The following FAAH2 variants were observed in gnomAD, a reference collection of about 807,000 sequenced individuals.
FAAH2 encodes the protein fatty-acid amide hydrolase 2.
In FAAH2, 60 loss-of-function variants were observed where a neutral mutation model predicts 36.9. The ratio of observed to expected loss-of-function variants is 1.63; its 90% CI spans 1.32 to 2.02. The LOEUF (loss-of-function observed/expected upper bound fraction) is 2.02. Ranked by LOEUF, FAAH2 falls within the 30% of genes most tolerant of loss-of-function variation. The probability of loss-of-function intolerance (pLI) is 0.00; values close to 1 mark genes in which losing one functional copy is unlikely to be tolerated. For synonymous variants in FAAH2, 214 were observed against 143.8 expected, an observed-to-expected ratio of 1.49 and a Z score of -3.49; for missense variants, 689 against 397.5, an observed-to-expected ratio of 1.73 and a Z score of -6.23.
intron 1 of FAAH2, among the ~76,000 whole-genome samples, chrX:57,289,224 T>C (rs1374526983): frequency 2.7e-5 from 3 of 111,927 alleles, no homozygotes; most frequent in Non-Finnish European, 5.6e-5. Flanking sequence ...TACTCAATTT[T>C]TGTTGGCACT....
At chrX:57,363,779 T>C (rs1423196446) in intron 5 of FAAH2, among the ~76,000 whole-genome samples, 3 of 111,319 alleles carry the variant, frequency 2.7e-5, no homozygotes, top group African/African-American at 6.5e-5. Flanking sequence ...ATTGGAGGTA[T>C]GATGAATTTT....
the FAAH2 span, among the ~76,000 whole-genome samples, chrX:57,256,486 A>G: frequency 8.9e-6 from 1 of 111,766 alleles, no homozygotes; most frequent in South Asian, 3.7e-4. Flanking sequence ...CAAAAAGAAA[A>G]AAGTTGAAGG....
At chrX:57,178,147 G>A in the FAAH2 span, among the ~76,000 whole-genome samples, 5 of 111,326 alleles carry the variant, frequency 4.5e-5, no homozygotes, top group Admixed American at 4.8e-4. Context: ...GATGGGGGTG[G>A]GAAGGGAGTG....
At chrX:57,478,591 G>A in intron 10 of FAAH2, among the ~76,000 whole-genome samples, 1 of 111,619 alleles carries the variant, frequency 9.0e-6, no homozygotes, top group Non-Finnish European at 1.9e-5. Context: ...GTAATGCCTA[G>A]GTTTTCTTCT....
At chrX:57,347,862 ACTTAGG>A (rs1209687805) in intron 5 of FAAH2, among the ~76,000 whole-genome samples, 1 of 109,340 alleles carries the variant, frequency 9.1e-6, no homozygotes, top group African/African-American at 3.4e-5. Flanking sequence ...TGATGTTGTT[ACTTAGG>A]CTGTAATCTA....
the FAAH2 span, among the ~76,000 whole-genome samples, chrX:57,202,213 C>A: frequency 1.8e-5 from 2 of 111,929 alleles, no homozygotes; most frequent in African/African-American, 6.5e-5. Context: ...TCATTAGTGT[C>A]TGAGCATTGA....
At chrX:57,169,567 T>C in the FAAH2 span, among the ~76,000 whole-genome samples, 20 of 37,125 alleles carry the variant, frequency 5.4e-4, 2 homozygotes, top group African/African-American at 3.3e-3. Flanking sequence ...TATATATATA[T>C]ATGGTTGTGA....
At chrX:57,317,418 G>A (rs1324257789) in intron 3 of FAAH2, among the ~76,000 whole-genome samples, 6 of 112,145 alleles carry the variant, frequency 5.4e-5, no homozygotes, top group Admixed American at 4.7e-4. Context: ...AAAAGACAAA[G>A]AAGGGCATTA....
At chrX:57,343,619 C>A (rs1265036752) in intron 5 of FAAH2, among the ~76,000 whole-genome samples, 1 of 111,392 alleles carries the variant, frequency 9.0e-6, no homozygotes, top group African/African-American at 3.3e-5. Flanking sequence ...AGCTCTTTAG[C>A]TTAATTTGGT....
intron 5 of FAAH2, among the ~76,000 whole-genome samples, chrX:57,345,765 C>G (rs1046349921): frequency 6.3e-5 from 7 of 111,294 alleles, no homozygotes; most frequent in Non-Finnish European, 1.9e-5. Flanking sequence ...CTTTTAACAT[C>G]TTAAACTTTA....
the FAAH2 span, among the ~76,000 whole-genome samples, chrX:57,162,047 G>C: frequency 9.0e-6 from 1 of 111,561 alleles, no homozygotes; most frequent in Non-Finnish European, 1.9e-5. Context: ...CTCTTTTAGG[G>C]TAGGCCTGGT....
At chrX:57,412,402 G>A (rs76632378) in intron 7 of FAAH2, among the ~76,000 whole-genome samples, 1 of 110,412 alleles carries the variant, frequency 9.1e-6, no homozygotes, top group Non-Finnish European at 1.9e-5. Flanking sequence ...GCCCCAGCAT[G>A]TGATGTTCCC....
intron 4 of FAAH2, among the ~76,000 whole-genome samples, chrX:57,338,076 G>T (rs964182575): frequency 1.8e-5 from 2 of 112,016 alleles, no homozygotes; most frequent in Admixed American, 9.5e-5. Context: ...ATGAACGTCC[G>T]TGTGAAGAGA....
intron 3 of FAAH2, among the ~76,000 whole-genome samples, chrX:57,327,960 T>A (rs748761889): frequency 5.0e-4 from 56 of 111,608 alleles, no homozygotes; most frequent in Non-Finnish European, 8.5e-4. Flanking sequence ...TTTTTCCCCA[T>A]CTTTGTGGTT....
chrX:57,337,906 C>A (rs1046357017), intron 4 of FAAH2, among the ~76,000 whole-genome samples: 2 of 111,372 alleles, frequency 1.8e-5, no homozygotes, highest in Non-Finnish European at 3.8e-5. Flanking sequence ...TCTGGCCAGA[C>A]AATTAGGCAA....
intron 7 of FAAH2, among the ~76,000 whole-genome samples, chrX:57,388,898 G>A (rs1055523938): frequency 2.7e-5 from 3 of 109,704 alleles, no homozygotes; most frequent in Non-Finnish European, 5.7e-5. Flanking sequence ...ATTGAAATAC[G>A]CATTTAAGTT....
At chrX:57,450,593 G>A (rs572689451) in intron 10 of FAAH2, among the ~76,000 whole-genome samples, 2 of 111,647 alleles carry the variant, frequency 1.8e-5, no homozygotes, top group East Asian at 2.8e-4. Context: ...ATGCCAAATA[G>A]GTTAATGTTT....
intron 8 of FAAH2, among the ~76,000 whole-genome samples, chrX:57,442,812 C>A (rs183682150): frequency 1.8e-5 from 2 of 111,438 alleles, no homozygotes; most frequent in Admixed American, 1.9e-4. Context: ...CTGGTGGTGA[C>A]AAAATCTCTC....
chrX:57,456,253 A>T (rs761140626), intron 10 of FAAH2, among the ~76,000 whole-genome samples: 3 of 112,201 alleles, frequency 2.7e-5, no homozygotes, highest in Non-Finnish European at 5.6e-5. Context: ...GAAATTAATG[A>T]AATAGGAGAC....
Sources: allele counts gnomAD v4.1 joint callset (sites outside exome capture counted in the v4.1 genomes callset), GRCh38; gene constraint gnomAD v4.1.1; transcripts MANE v1.5; gene names NCBI Gene and HGNC (gene_info 2026-07-23, HGNC 2026-07-21).